SPON1: variants seen among roughly 807,000 people sequenced by gnomAD.
SPON1 encodes the protein spondin 1.
A neutral mutation model predicts 111.7 loss-of-function variants in SPON1; 52 were observed. That is an observed-to-expected ratio of 0.47 (90% confidence interval 0.37 to 0.59). The LOEUF (loss-of-function observed/expected upper bound fraction) is 0.59. Ranked by LOEUF, SPON1 falls within the 20% of genes least tolerant of loss-of-function variation. The probability of loss-of-function intolerance (pLI) is 0.00; values close to 1 mark genes in which losing one functional copy is unlikely to be tolerated. For missense variants in SPON1, 957 were observed against 1,068.5 expected (o/e 0.90, Z 1.46); for synonymous variants, 410 against 395.8 (o/e 1.04, Z -0.43).
intron 6 of SPON1, among the ~76,000 whole-genome samples, chr11:14,175,223 G>T (rs782007564): frequency 3.3e-5 from 5 of 152,202 alleles, no homozygotes; most frequent in Non-Finnish European, 7.4e-5. Flanking sequence ...AGAGAAGCCA[G>T]TTTCAAGCTT....
At chr11:14,126,848 TG>T (rs1847465905) in intron 5 of SPON1, among the ~76,000 whole-genome samples, 1 of 152,196 alleles carries the variant, frequency 6.6e-6, no homozygotes, top group African/African-American at 2.4e-5. Flanking sequence ...CTAGAGGATG[TG>T]GGGCCCAGGT....
intron 3 of SPON1, among the ~76,000 whole-genome samples, chr11:14,062,308 C>T (rs1848797546): frequency 6.6e-6 from 1 of 152,132 alleles, no homozygotes; most frequent in Non-Finnish European, 1.5e-5. Context: ...AGGCATTGAT[C>T]CCTGGTGTAA....
At chr11:14,143,775 A>G (rs1847686236) in intron 6 of SPON1, among the ~76,000 whole-genome samples, 1 of 152,196 alleles carries the variant, frequency 6.6e-6, no homozygotes, top group Non-Finnish European at 1.5e-5. Flanking sequence ...GCAGAAACCC[A>G]GAGTTCAGAG....
intron 2 of SPON1, among the ~76,000 whole-genome samples, chr11:14,002,688 G>A (rs1348379796): frequency 1.3e-5 from 2 of 152,068 alleles, no homozygotes; most frequent in Non-Finnish European, 2.9e-5. Context: ...CTGGTGGCAG[G>A]AGCCAAGCAG....
In SPON1 at chr11:13,975,537, C is replaced by T. The variant is rs536719784; in HGVS notation, c.239-7310C>T. 1.2e-4 allele frequency among the ~76,000 whole-genome samples: 18 copies of T among 152,242 alleles called. No homozygotes were observed. The South Asian group carries it at 3.7e-3, about 32-fold the overall frequency. The stretch of plus-strand genomic sequence containing the variant: ...GTTATTAGGGGAGACAAGCATTTAA[C>T]AAATAGTTTCATAAACACGTATGGA... On this transcript the variant is annotated intron_variant, in intron 1 of 15. Transcript: ENST00000576479.
chr11:13,974,967 A>G (rs967379644), intron 1 of SPON1, among the ~76,000 whole-genome samples: 2 of 152,180 alleles, frequency 1.3e-5, no homozygotes, highest in African/African-American at 4.8e-5. Context: ...TTTCTGCTAC[A>G]TGGGATGCTG....
chr11:13,988,023 T>C (rs1456193753), intron 2 of SPON1, among the ~76,000 whole-genome samples: 1 of 152,224 alleles, frequency 6.6e-6, no homozygotes, highest in Non-Finnish European at 1.5e-5. Flanking sequence ...TAGGATTGTC[T>C]TGGCTATTGC....
chr11:14,254,445 C>A, intron 7 of SPON1, 83 bp from the exon 8 acceptor site: 1 of 1,258,740 alleles, frequency 7.9e-7, no homozygotes, highest in Non-Finnish European at 1.1e-6. Flanking sequence ...CCCTCTCATT[C>A]TTCATAATCC....
intron 2 of SPON1, among the ~76,000 whole-genome samples, chr11:14,018,199 C>G (rs1848456667): frequency 6.6e-6 from 1 of 152,136 alleles, no homozygotes; most frequent in South Asian, 2.1e-4. Flanking sequence ...TTACAAGTAG[C>G]TAGACGGCCT....
At chr11:13,970,745 T>A (rs904877540) in intron 1 of SPON1, among the ~76,000 whole-genome samples, 10 of 152,202 alleles carry the variant, frequency 6.6e-5, no homozygotes, top group African/African-American at 2.4e-4. Context: ...CATGGCTGAC[T>A]CCTTGTCTTT....
At chr11:14,021,691 T>C (rs1186015353) in intron 2 of SPON1, among the ~76,000 whole-genome samples, 1 of 152,210 alleles carries the variant, frequency 6.6e-6, no homozygotes, top group Non-Finnish European at 1.5e-5. Flanking sequence ...CTACAAGACC[T>C]GAGACGACCC....
intron 2 of SPON1, among the ~76,000 whole-genome samples, chr11:14,009,711 A>G (rs1848389839): frequency 6.6e-6 from 1 of 152,232 alleles, no homozygotes; most frequent in Non-Finnish European, 1.5e-5. Flanking sequence ...GAGGCTGAGC[A>G]GTCCAAGATC....
intron 6 of SPON1, among the ~76,000 whole-genome samples, chr11:14,155,313 G>A (rs1018141432): frequency 4.6e-5 from 7 of 152,188 alleles, no homozygotes; most frequent in Admixed American, 2.6e-4. Context: ...CTGAGACTGG[G>A]TAATTTACAA....
intron 2 of SPON1, among the ~76,000 whole-genome samples, chr11:14,038,529 A>G (rs1554916932): frequency 6.6e-6 from 1 of 152,182 alleles, no homozygotes; most frequent in Admixed American, 6.5e-5. Context: ...AACCCAAATA[A>G]AAAATGGTAA....
intron 3 of SPON1, among the ~76,000 whole-genome samples, chr11:14,066,725 C>T (rs1377530569): frequency 1.3e-5 from 2 of 152,144 alleles, no homozygotes; most frequent in South Asian, 4.1e-4. Flanking sequence ...CCTTTACAGC[C>T]ACATCTCTGG....
chr11:13,974,504 G>T (rs117523040), intron 1 of SPON1, among the ~76,000 whole-genome samples: 2 of 152,158 alleles, frequency 1.3e-5, no homozygotes, highest in African/African-American at 4.8e-5. Context: ...TTGTTAGAAG[G>T]TTGACACACC....
chr11:13,993,436 A>G (rs1848247115), intron 2 of SPON1, among the ~76,000 whole-genome samples: 1 of 152,016 alleles, frequency 6.6e-6, no homozygotes. Context: ...GTAACCCACC[A>G]ATCCTTAAAA....
intron 1 of SPON1, among the ~76,000 whole-genome samples, chr11:13,969,007 C>A (rs558000279): frequency 7.2e-5 from 11 of 152,172 alleles, no homozygotes; most frequent in African/African-American, 2.4e-4. Flanking sequence ...TGTAAAAACA[C>A]AATATATCTT....
chr11:14,079,849 A>T, intron 4 of SPON1, 50 bp from the exon 5 acceptor site: 2 of 1,611,122 alleles, frequency 1.2e-6, no homozygotes, highest in Non-Finnish European at 8.5e-7. Flanking sequence ...ACCACCTTAT[A>T]TACAACCCAC....
Sources: gnomAD v4.1 joint callset for allele counts (sites outside exome capture counted in the v4.1 genomes callset) on GRCh38, gnomAD v4.1.1 for gene constraint, MANE v1.5 for transcripts, NCBI Gene and HGNC (gene_info 2026-07-23, HGNC 2026-07-21) for gene names.